UBE2E1: variants seen among roughly 807,000 people sequenced by gnomAD.
UBE2E1 encodes ubiquitin conjugating enzyme E2 E1.
A neutral mutation model predicts 21.4 loss-of-function variants in UBE2E1; 6 were observed. The observed-to-expected ratio is 0.28, with a 90% CI of 0.15 to 0.55. UBE2E1 has a LOEUF of 0.55. Ranked by LOEUF, UBE2E1 falls within the 20% of genes least tolerant of loss-of-function variation. The probability of loss-of-function intolerance (pLI) is 0.93; values close to 1 mark genes in which losing one functional copy is unlikely to be tolerated. For synonymous variants in UBE2E1, 87 were observed against 82.7 expected (o/e 1.05, Z -0.28); for missense variants, 142 against 236.5 (o/e 0.60, Z 2.62).
intron 3 of UBE2E1, among the ~76,000 whole-genome samples, chr3:23,845,236 TAATG>T (rs1559483202): frequency 6.6e-6 from 1 of 152,218 alleles, no homozygotes; most frequent in Non-Finnish European, 1.5e-5. Flanking sequence ...ATTTTCTTCT[TAATG>T]GACAGGATAT....
intron 3 of UBE2E1, among the ~76,000 whole-genome samples, chr3:23,821,419 C>T (rs78191745): frequency 6.6e-6 from 1 of 152,136 alleles, no homozygotes. Flanking sequence ...ATTATGTAAA[C>T]CGTGCTAAGT....
intron 3 of UBE2E1, among the ~76,000 whole-genome samples, chr3:23,821,780 G>A (rs1447593689): frequency 2.5e-4 from 38 of 152,186 alleles, no homozygotes; most frequent in Admixed American, 2.4e-3. Flanking sequence ...GTGGTGGGTG[G>A]CAGGGGAGAT....
intron 3 of UBE2E1, among the ~76,000 whole-genome samples, chr3:23,813,238 C>G (rs1325691183): frequency 6.6e-6 from 1 of 152,096 alleles, no homozygotes; most frequent in Non-Finnish European, 1.5e-5. Context: ...AGAAAAATCT[C>G]TGATTTGAGA....
chr3:23,882,281 T>G (rs1035854274), intron 3 of UBE2E1, among the ~76,000 whole-genome samples: 17 of 152,206 alleles, frequency 1.1e-4, no homozygotes, highest in African/African-American at 3.6e-4. Flanking sequence ...ATTGGTGCGT[T>G]TACAATCTCT....
chr3:23,851,180 TTG>T (rs1252580121), intron 3 of UBE2E1, among the ~76,000 whole-genome samples: 1 of 152,188 alleles, frequency 6.6e-6, no homozygotes, highest in African/African-American at 2.4e-5. Flanking sequence ...TTTGGCACTC[TTG>T]TCAAAAATCA....
At chr3:23,849,995 T>C (rs1340037247) in intron 3 of UBE2E1, among the ~76,000 whole-genome samples, 5 of 152,220 alleles carry the variant, frequency 3.3e-5, no homozygotes, top group African/African-American at 1.2e-4. Context: ...AGAATTGTAT[T>C]TTTCTAATAG....
At chr3:23,848,002 A>G (rs188618921) in intron 3 of UBE2E1, among the ~76,000 whole-genome samples, 4 of 152,284 alleles carry the variant, frequency 2.6e-5, no homozygotes, top group Admixed American at 2.6e-4. Context: ...TTTTTAAATA[A>G]ACACAAATGG....
At chr3:23,880,628 G>T (rs1365567679) in intron 3 of UBE2E1, among the ~76,000 whole-genome samples, 1 of 152,168 alleles carries the variant, frequency 6.6e-6, no homozygotes, top group Non-Finnish European at 1.5e-5. Context: ...AATGTCATTT[G>T]AAAATTGAAA....
chr3:23,838,129 A>G (rs1700008342), intron 3 of UBE2E1, among the ~76,000 whole-genome samples: 1 of 151,852 alleles, frequency 6.6e-6, no homozygotes, highest in Non-Finnish European at 1.5e-5. Flanking sequence ...GTGCAGTGGC[A>G]CAATTACAGC....
At chr3:23,889,492 T>C in intron 5 of UBE2E1, 1 of 1,383,918 alleles carries the variant, frequency 7.2e-7, no homozygotes, top group Non-Finnish European at 9.3e-7. Flanking sequence ...CTGACGTAAG[T>C]TTGCCTTGGG....
rs1701216915 is a variant in UBE2E1, at chr3:23,887,554, G to GTAT, written c.204-8_204-6dup. On this transcript the variant is annotated splice_polypyrimidine_tract_variant and intron_variant, in intron 3 of 5. Transcript: ENST00000306627. The surrounding 1 kb of genome is among the most constrained non-coding windows in gnomAD (Gnocchi z 4.4). Reference sequence around the variant, plus strand: ...TGCCACCATCTGCTTATTTGTTGACGTATTATTCACAGTGCTGGTCCCAAA... The same window carrying GTAT: ...TGCCACCATCTGCTTATTTGTTGACGTATTATTATTCACAGTGCTGGTCCCAAA... 6.3e-7 allele frequency: 1 copy of GTAT among 1,598,198 alleles called. No individual in the cohort carries two copies. Among genetic ancestry groups the GTAT allele is most frequent in the African/African-American group, 1.4e-5 (1 of 73,886 alleles).
chr3:23,830,932 G>A (rs372980021), intron 3 of UBE2E1, among the ~76,000 whole-genome samples: 1 of 152,164 alleles, frequency 6.6e-6, no homozygotes, highest in South Asian at 2.1e-4. Flanking sequence ...TCCTGTTGGT[G>A]GTCATGTAAT....
intron 3 of UBE2E1, among the ~76,000 whole-genome samples, chr3:23,886,937 C>T (rs965374789): frequency 2.6e-5 from 4 of 152,188 alleles, no homozygotes; most frequent in African/African-American, 9.7e-5. Flanking sequence ...TTTATGATAA[C>T]AGCTAACAGG....
Position 23,807,289 on chromosome 3 carries a change from G to C in UBE2E1, c.20G>C (p.Arg7Thr), listed in dbSNP as rs1209054558. Residue 7 changes from arginine to threonine, a missense_variant, in exon 2 of 6, where the codon AGG becomes ACG. Arg to Thr is a moderately conservative substitution (Grantham distance 71, BLOSUM62 -1). Coordinates refer to ENST00000306627, the MANE Select transcript of UBE2E1 (RefSeq NM_003341.5). MSDDDS[R>T]ASTSSSSSSS... ...TTCGCTATGTCGGATGACGATTCGA[G>C]GGCCAGCACCAGCTCCTCCTCATCT... The C allele has an allele frequency of 6.2e-7, 1 of 1,613,170 alleles. No homozygotes were observed. The highest frequency in any genetic ancestry group is 8.5e-7 in the Non-Finnish European group (1 of 1,179,688).
At chr3:23,889,301 C>T in intron 5 of UBE2E1, 42 bp downstream of exon 5, 2 of 1,611,782 alleles carry the variant, frequency 1.2e-6, no homozygotes, top group African/African-American at 2.7e-5. Context: ...TCTTCCTTAC[C>T]TGAAAAATAC....
At chr3:23,812,104 C>G (rs1197254328) in intron 3 of UBE2E1, among the ~76,000 whole-genome samples, 1 of 151,900 alleles carries the variant, frequency 6.6e-6, no homozygotes, top group African/African-American at 2.4e-5. Context: ...GTTTCAGTTT[C>G]AAAACAAATT....
intron 3 of UBE2E1, among the ~76,000 whole-genome samples, chr3:23,865,154 TCAG>T (rs1700628042): frequency 6.6e-6 from 1 of 152,034 alleles, no homozygotes; most frequent in East Asian, 1.9e-4. Context: ...AGTCAAGGAG[TCAG>T]CTGGCCTGTG....
intron 2 of UBE2E1, 103 bp from the exon 3 acceptor site, chr3:23,811,357 A>G: frequency 1.9e-6 from 2 of 1,078,710 alleles, no homozygotes; most frequent in African/African-American, 1.6e-5. Context: ...AGTAGAATCC[A>G]GTGATCGCGC....
intron 3 of UBE2E1, among the ~76,000 whole-genome samples, chr3:23,841,653 A>C (rs186243445): frequency 6.6e-6 from 1 of 152,368 alleles, no homozygotes; most frequent in South Asian, 2.1e-4. Flanking sequence ...TTTTTCATGT[A>C]TCATGCCATT....
Sources: gnomAD v4.1 joint callset for allele counts (sites outside exome capture counted in the v4.1 genomes callset) on GRCh38, gnomAD v4.1.1 for gene constraint, Gnocchi (gnomAD v3.1) non-coding constraint, MANE v1.5 for transcripts, NCBI Gene and HGNC (gene_info 2026-07-23, HGNC 2026-07-21) for gene names.